Variants in SLC25A48 observed in about 807,000 individuals in gnomAD.
SLC25A48 encodes CTC-321K16.1.
In SLC25A48, 29 loss-of-function variants were observed where a neutral mutation model predicts 32.2. The observed-to-expected ratio is 0.90, with a 90% confidence interval of 0.67 to 1.23. The LOEUF (loss-of-function observed/expected upper bound fraction) is 1.23, where lower values mean the gene tolerates loss of function less well. SLC25A48 is among the 50% of genes most tolerant of loss of function. The probability of loss-of-function intolerance (pLI) is 0.00; values close to 1 mark genes in which losing one functional copy is unlikely to be tolerated. For missense variants in SLC25A48, 399 were observed against 422.7 expected (o/e 0.94, Z 0.49); for synonymous variants, 164 against 172.3 (o/e 0.95, Z 0.38).
In SLC25A48 at chr5:135,664,654, C is replaced by A. The variant is rs1753479078; in HGVS notation, c.-521+29698C>A. The stretch of plus-strand genomic sequence containing the variant: ...GCCTTTGCATACCCATAGCTTAGTT[C>A]TCACTTATAAATGAAGACACACAGT... On this transcript the variant is annotated intron_variant, in intron 3 of 10. Coordinates refer to the SLC25A48 transcript ENST00000646290. Among the ~76,000 whole-genome samples the A allele has an allele frequency of 2.2e-5, 3 of 133,868 alleles. No individual in the cohort carries two copies. The Admixed American group carries it at 2.3e-4, about 10-fold the overall frequency. 87.8% of individuals were successfully genotyped at this position (133,868 alleles called of 152,430 possible).
intron 3 of SLC25A48, among the ~76,000 whole-genome samples, chr5:135,790,799 A>G (rs2126632528): frequency 6.6e-6 from 1 of 151,644 alleles, no homozygotes; most frequent in South Asian, 2.1e-4. Flanking sequence ...TATTATTTGT[A>G]AAATCCTTGG....
At chr5:135,834,658 C>T (rs935937681), upstream of SLC25A48, 11 of 609,700 alleles carry the variant, frequency 1.8e-5, no homozygotes, top group South Asian at 1.8e-4. Flanking sequence ...CAGCCGCCCT[C>T]CGGCACTTGG....
In SLC25A48 at chr5:135,815,799, C is replaced by A. The variant is rs1432768724; in HGVS notation, c.-117+2873C>A. ...TGTCACCTGCATGTTCTTGCCATAT[C>A]TGATTATGACCTGTAATACAGATAT... On this transcript the variant is annotated intron_variant, in intron 4 of 10. Transcript: ENST00000646290. Among the ~76,000 whole-genome samples, 4 of 152,142 alleles carry A rather than the reference C, an allele frequency of 2.6e-5. No homozygotes were observed. In the East Asian group the frequency reaches 5.8e-4, roughly 22 times the overall value.
chr5:135,865,738 TA>T (rs1430379176), intron 4 of SLC25A48, among the ~76,000 whole-genome samples: 2 of 152,154 alleles, frequency 1.3e-5, no homozygotes, highest in East Asian at 3.9e-4. Flanking sequence ...CAAGCCATAC[TA>T]GGGGGCACAG....
At chr5:135,663,768 C>T (rs1753459467) in intron 3 of SLC25A48, among the ~76,000 whole-genome samples, 1 of 152,170 alleles carries the variant, frequency 6.6e-6, no homozygotes, top group Non-Finnish European at 1.5e-5. Flanking sequence ...TCTCTCACCT[C>T]CACCTGTTAT....
chr5:135,597,218 C>G (rs1211853785), intron 1 of SLC25A48, among the ~76,000 whole-genome samples: 1 of 152,206 alleles, frequency 6.6e-6, no homozygotes, highest in Non-Finnish European at 1.5e-5. Flanking sequence ...CTATCTCAGA[C>G]TGGATTCAAT....
intron 3 of SLC25A48, among the ~76,000 whole-genome samples, chr5:135,678,678 A>T (rs538125877): frequency 6.6e-6 from 1 of 152,176 alleles, no homozygotes; most frequent in Admixed American, 6.5e-5. Flanking sequence ...TTTGCTTTTG[A>T]GGGACGGGGG....
intron 3 of SLC25A48, among the ~76,000 whole-genome samples, chr5:135,665,764 T>C (rs1753508185): frequency 2.9e-5 from 2 of 69,440 alleles, no homozygotes; most frequent in South Asian, 4.5e-4. Flanking sequence ...TTATTCTTTT[T>C]GAAAAAAAAA....
chr5:135,876,057 A>C (rs1762004961), intron 6 of SLC25A48: 1 of 149,798 alleles, frequency 6.7e-6, no homozygotes, highest in Admixed American at 6.7e-5. Context: ...TTTTAACAAG[A>C]GCTGCTCTGA....
chr5:135,584,456 C>T (rs1751315930), intron 1 of SLC25A48, among the ~76,000 whole-genome samples: 1 of 152,164 alleles, frequency 6.6e-6, no homozygotes, highest in Non-Finnish European at 1.5e-5. Context: ...TGGTTTTGGT[C>T]CCACTCAATG....
At chr5:135,836,401 C>T (rs1474291868) in intron 1 of SLC25A48, among the ~76,000 whole-genome samples, 1 of 150,340 alleles carries the variant, frequency 6.7e-6, no homozygotes, top group Non-Finnish European at 1.5e-5. Flanking sequence ...TAAGTGTTTA[C>T]TACACTTGAA....
At chr5:135,646,398 A>T (rs1752959637) in intron 3 of SLC25A48, among the ~76,000 whole-genome samples, 1 of 152,068 alleles carries the variant, frequency 6.6e-6, no homozygotes, top group South Asian at 2.1e-4. Context: ...GAGGTTGTAT[A>T]GGTGGCTGCC....
At chr5:135,842,069 A>C (rs1759047858) in intron 1 of SLC25A48, among the ~76,000 whole-genome samples, 1 of 152,108 alleles carries the variant, frequency 6.6e-6, no homozygotes. Flanking sequence ...TTAGTTTAAG[A>C]ATCTTATAGT....
chr5:135,640,399 A>G (rs992760666), intron 3 of SLC25A48, among the ~76,000 whole-genome samples: 2 of 152,318 alleles, frequency 1.3e-5, no homozygotes, highest in Admixed American at 1.3e-4. Flanking sequence ...GAAAACATCA[A>G]CTTCAAAAGA....
chr5:135,597,582 A>G (rs115356652), intron 1 of SLC25A48, among the ~76,000 whole-genome samples: 2,722 of 152,304 alleles, frequency 0.018, 79 homozygotes, highest in African/African-American at 0.062. Flanking sequence ...GAGATGCGAG[A>G]ATGGCCTCCA....
chr5:135,818,953 T>G (rs2126658170), intron 4 of SLC25A48, among the ~76,000 whole-genome samples: 1 of 152,122 alleles, frequency 6.6e-6, no homozygotes, highest in East Asian at 1.9e-4. Context: ...CACTGAATGA[T>G]TTCAGTAGCA....
At chr5:135,603,267 G>A (rs1265353150) in intron 1 of SLC25A48, among the ~76,000 whole-genome samples, 1 of 152,202 alleles carries the variant, frequency 6.6e-6, no homozygotes, top group Admixed American at 6.5e-5. Context: ...AATCCTTTTA[G>A]GAATTCCAGA....
intron 3 of SLC25A48, chr5:135,649,303 T>C (rs801563): frequency 0.78 from 119,111 of 152,112 alleles, 46,985 homozygotes; most frequent in East Asian, 1. Context: ...TGTAAATGAT[T>C]GACTTGGTGT....
chr5:135,795,165 T>C (rs1757137035), intron 3 of SLC25A48, among the ~76,000 whole-genome samples: 1 of 151,764 alleles, frequency 6.6e-6, no homozygotes, highest in Admixed American at 6.6e-5. Flanking sequence ...TTACTCCCAA[T>C]ATCGCAAGGG....
Sources: gnomAD v4.1 joint callset for allele counts (sites outside exome capture counted in the v4.1 genomes callset) on GRCh38, gnomAD v4.1.1 for gene constraint, MANE v1.5 for transcripts, NCBI Gene and HGNC (gene_info 2026-07-23, HGNC 2026-07-21) for gene names.